RERG: variants seen among roughly 807,000 people sequenced by gnomAD.
The protein encoded by RERG is ras-related and estrogen-regulated growth inhibitor.
Under a neutral mutation model 23.2 loss-of-function variants are expected in RERG, and 25 were observed. The ratio of observed to expected loss-of-function variants is 1.08; its 90% CI spans 0.79 to 1.50. The LOEUF (loss-of-function observed/expected upper bound fraction) is 1.50, where lower values mean the gene tolerates loss of function less well. Ranked by LOEUF, RERG falls within the 40% of genes most tolerant of loss-of-function variation. The pLI, the probability that RERG is intolerant of heterozygous loss-of-function variation, is 0.00. For missense variants in RERG, 253 were observed against 250.1 expected, an observed-to-expected ratio of 1.01 and a Z score of -0.08; for synonymous variants, 81 against 89.1, an observed-to-expected ratio of 0.91 and a Z score of 0.51.
At chr12:15,150,281 T>C (rs1864417843) in intron 2 of RERG, among the ~76,000 whole-genome samples, 1 of 152,166 alleles carries the variant, frequency 6.6e-6, no homozygotes, top group Non-Finnish European at 1.5e-5. Flanking sequence ...CAATACAAAT[T>C]AAACAAACAA....
chr12:15,145,940 G>A (rs1864324996), intron 2 of RERG, among the ~76,000 whole-genome samples: 1 of 152,224 alleles, frequency 6.6e-6, no homozygotes, highest in Admixed American at 6.5e-5. Context: ...GGTTGATTGA[G>A]AAATTTGCAC....
chr12:15,115,331 C>T (rs549963116), intron 3 of RERG, among the ~76,000 whole-genome samples: 1 of 152,164 alleles, frequency 6.6e-6, no homozygotes, highest in Non-Finnish European at 1.5e-5. Context: ...ATAACTTGCC[C>T]AAGGTCACAC....
intron 2 of RERG, among the ~76,000 whole-genome samples, chr12:15,138,963 A>G (rs529023440): frequency 2.6e-4 from 35 of 137,052 alleles, no homozygotes; most frequent in Non-Finnish European, 4.2e-4. Flanking sequence ...ACATTTAGGT[A>G]TATGATCCAT....
chr12:15,147,405 T>A (rs189633482), intron 2 of RERG, among the ~76,000 whole-genome samples: 48 of 152,250 alleles, frequency 3.2e-4, no homozygotes, highest in Admixed American at 1.6e-3. Context: ...GGGGGAAAAA[T>A]TTTTACTTAA....
intron 3 of RERG, among the ~76,000 whole-genome samples, chr12:15,117,626 C>T (rs1863747258): frequency 6.6e-6 from 1 of 151,818 alleles, no homozygotes; most frequent in Admixed American, 6.6e-5. Context: ...GTGATAGAGG[C>T]TGAAATACAG....
At chr12:15,158,478 C>T (rs1400479393) in intron 2 of RERG, among the ~76,000 whole-genome samples, 1 of 152,014 alleles carries the variant, frequency 6.6e-6, no homozygotes, top group Non-Finnish European at 1.5e-5. Flanking sequence ...GATGGGGTCT[C>T]ACTGTGTTGC....
intron 2 of RERG, among the ~76,000 whole-genome samples, chr12:15,168,155 A>G (rs1864723399): frequency 6.6e-6 from 1 of 152,194 alleles, no homozygotes. Flanking sequence ...AGAAGATTGC[A>G]TTTCTTGAGA....
At chr12:15,174,246 A>T (rs1864815326) in intron 2 of RERG, among the ~76,000 whole-genome samples, 1 of 152,066 alleles carries the variant, frequency 6.6e-6, no homozygotes, top group Non-Finnish European at 1.5e-5. Flanking sequence ...CAGCCCCGGT[A>T]AAAAGTAATT....
intron 2 of RERG, among the ~76,000 whole-genome samples, chr12:15,198,048 A>T (rs896221385): frequency 3.3e-5 from 5 of 152,180 alleles, no homozygotes; most frequent in Non-Finnish European, 5.9e-5. Context: ...TGATTTGTCT[A>T]TAAGGACATC....
chr12:15,219,190 GT>G (rs1463172539), intron 1 of RERG, among the ~76,000 whole-genome samples: 31 of 152,302 alleles, frequency 2.0e-4, no homozygotes, highest in African/African-American at 7.2e-4. Context: ...TTATCTAAAT[GT>G]GTTAAATGTT....
chr12:15,131,219 T>C (rs1864040909), intron 2 of RERG, among the ~76,000 whole-genome samples: 1 of 152,194 alleles, frequency 6.6e-6, no homozygotes, highest in South Asian at 2.1e-4. Context: ...TTTGGCTTTA[T>C]CTTTTTGTTT....
chr12:15,191,097 T>G (rs927826511), intron 2 of RERG, among the ~76,000 whole-genome samples: 4 of 152,098 alleles, frequency 2.6e-5, no homozygotes, highest in African/African-American at 9.7e-5. Context: ...TAGAAGACAG[T>G]TACGGATTCT....
At chr12:15,197,680 G>C (rs891337537) in intron 2 of RERG, among the ~76,000 whole-genome samples, 2 of 152,068 alleles carry the variant, frequency 1.3e-5, no homozygotes, top group Non-Finnish European at 2.9e-5. Context: ...TTGCCTTTAT[G>C]GGCCCTCAAA....
chr12:15,147,677 G>T (rs747228251), intron 2 of RERG, among the ~76,000 whole-genome samples: 2 of 152,174 alleles, frequency 1.3e-5, no homozygotes, highest in Non-Finnish European at 2.9e-5. Flanking sequence ...TTAAGGATCA[G>T]AGCTGAGCAA....
intron 3 of RERG, among the ~76,000 whole-genome samples, chr12:15,112,853 T>C (rs905744506): frequency 2.6e-5 from 4 of 152,070 alleles, no homozygotes; most frequent in African/African-American, 9.7e-5. Flanking sequence ...TTTCTCAACG[T>C]GAGGGAACAA....
intron 2 of RERG, among the ~76,000 whole-genome samples, chr12:15,167,591 C>T (rs1036155993): frequency 6.6e-6 from 1 of 152,020 alleles, no homozygotes; most frequent in Non-Finnish European, 1.5e-5. Context: ...TCTAAATTGA[C>T]CCTTTAAATA....
chr12:15,159,965 T>C (rs547252467), intron 2 of RERG, among the ~76,000 whole-genome samples: 1 of 152,276 alleles, frequency 6.6e-6, no homozygotes, highest in African/African-American at 2.4e-5. Flanking sequence ...TATTCCATAG[T>C]TGATATAAGA....
rs191198853 is a variant in RERG at position 15,124,787 on chromosome 12, T to C, written c.62-3668A>G. Among the ~76,000 whole-genome samples, 538 of 152,074 alleles carry C rather than the reference T, an allele frequency of 3.5e-3. 2 individuals are homozygous for C. The highest frequency in any genetic ancestry group is 5.9e-3 in the Non-Finnish European group (399 of 67,852). On this transcript the variant is annotated intron_variant, in intron 2 of 4. Transcript: ENST00000256953. ...TATTTATGGGACTGTGGTGAGTTGA[T>C]TGCATTGGAAAAATGTAACTAAAAG...
chr12:15,182,271 T>C (rs967043478), intron 2 of RERG, among the ~76,000 whole-genome samples: 2 of 152,082 alleles, frequency 1.3e-5, no homozygotes, highest in African/African-American at 4.8e-5. Context: ...TTGGTCAGGC[T>C]GGTCTCAAAC....
Sources: allele counts gnomAD v4.1 joint callset (sites outside exome capture counted in the v4.1 genomes callset), GRCh38; gene constraint gnomAD v4.1.1; transcripts MANE v1.5; gene names NCBI Gene and HGNC (gene_info 2026-07-23, HGNC 2026-07-21).